MCTP1: variants seen among roughly 807,000 people sequenced by gnomAD.
MCTP1 encodes the protein multiple C2 and transmembrane domain-containing protein 1.
In MCTP1, 69 loss-of-function variants were observed where a neutral mutation model predicts 120.6. The ratio of observed to expected loss-of-function variants is 0.57; its 90% CI spans 0.47 to 0.70. The LOEUF is 0.70. Among genes scored for constraint, MCTP1 ranks in the 30% least tolerant of loss-of-function variants. The pLI is 0.00. For missense variants in MCTP1, 1,203 were observed against 1,248.8 expected (o/e 0.96, Z 0.55); for synonymous variants, 529 against 493.1 (o/e 1.07, Z -0.96).
At chr5:94,953,092 T>A (rs1821038259) in intron 3 of MCTP1, 127 bp downstream of exon 3, 1 of 778,808 alleles carries the variant, frequency 1.3e-6, no homozygotes, top group South Asian at 2.3e-5. Context: ...TATCCATAGA[T>A]TAGAGTGGCG....
At chr5:95,011,541 T>A (rs910391946) in intron 2 of MCTP1, among the ~76,000 whole-genome samples, 2 of 152,076 alleles carry the variant, frequency 1.3e-5, no homozygotes, top group South Asian at 4.2e-4. Context: ...GTTTCCTCCA[T>A]GCTGTTCTCA....
chr5:94,925,654 C>T (rs1054427814), intron 6 of MCTP1, among the ~76,000 whole-genome samples: 1 of 152,154 alleles, frequency 6.6e-6, no homozygotes, highest in African/African-American at 2.4e-5. Context: ...CGTGATCCGC[C>T]CGCCTAGGCC....
intron 1 of MCTP1, among the ~76,000 whole-genome samples, chr5:95,127,149 G>T (rs553507297): frequency 6.6e-6 from 1 of 151,924 alleles, no homozygotes; most frequent in East Asian, 1.9e-4. Context: ...ATGCCATTTG[G>T]ATGACAAATA....
At chr5:95,160,420 T>G (rs1445922952) in intron 1 of MCTP1, among the ~76,000 whole-genome samples, 1 of 152,242 alleles carries the variant, frequency 6.6e-6, no homozygotes, top group Non-Finnish European at 1.5e-5. Flanking sequence ...TAATAATAGC[T>G]AACATTAATA....
intron 1 of MCTP1, among the ~76,000 whole-genome samples, chr5:95,266,493 T>C (rs1294797160): frequency 1.3e-5 from 2 of 152,232 alleles, no homozygotes; most frequent in African/African-American, 2.4e-5. Flanking sequence ...TTTAAATCTG[T>C]TTACTGTTTG....
chr5:95,111,298 G>A (rs1284880226), intron 1 of MCTP1, among the ~76,000 whole-genome samples: 1 of 152,116 alleles, frequency 6.6e-6, no homozygotes, highest in African/African-American at 2.4e-5. Flanking sequence ...AAAACAAGTA[G>A]AAGCATAAAT....
chr5:95,116,234 T>C (rs938335987), intron 1 of MCTP1, among the ~76,000 whole-genome samples: 5 of 152,104 alleles, frequency 3.3e-5, no homozygotes, highest in South Asian at 2.1e-4. Flanking sequence ...TCATTGGTAA[T>C]AGTAAGTGCA....
intron 19 of MCTP1, among the ~76,000 whole-genome samples, chr5:94,733,633 C>T (rs12523457): frequency 0.23 from 34,932 of 151,770 alleles, 4,158 homozygotes; most frequent in East Asian, 0.35. Flanking sequence ...TAGTCACCAA[C>T]TTGGAAAAAA....
intron 19 of MCTP1, among the ~76,000 whole-genome samples, chr5:94,773,326 G>A (rs1048718078): frequency 1.3e-5 from 2 of 152,290 alleles, no homozygotes; most frequent in South Asian, 2.1e-4. Context: ...TGATTTGGGA[G>A]GCTGGTTTTC....
intron 1 of MCTP1, among the ~76,000 whole-genome samples, chr5:95,206,076 C>A (rs1371116329): frequency 1.3e-5 from 2 of 152,004 alleles, no homozygotes; most frequent in African/African-American, 4.8e-5. Flanking sequence ...CAAATGAACA[C>A]AATTGTTCAT....
intron 1 of MCTP1, among the ~76,000 whole-genome samples, chr5:95,222,300 TTTA>T (rs1317238440): frequency 1.3e-5 from 2 of 152,204 alleles, no homozygotes; most frequent in African/African-American, 4.8e-5. Flanking sequence ...AAACAAAGTC[TTTA>T]TTCCAGGAAT....
At chr5:94,846,698 C>A (rs1045653722) in intron 17 of MCTP1, among the ~76,000 whole-genome samples, 3 of 152,034 alleles carry the variant, frequency 2.0e-5, no homozygotes, top group African/African-American at 7.2e-5. Flanking sequence ...ATTTGAGTCA[C>A]CATGCCTCTG....
intron 1 of MCTP1, among the ~76,000 whole-genome samples, chr5:95,091,110 C>A (rs1340283116): frequency 6.6e-6 from 1 of 152,112 alleles, no homozygotes; most frequent in African/African-American, 2.4e-5. Flanking sequence ...CCCCCCAACC[C>A]CAAACCTACT....
intron 19 of MCTP1, among the ~76,000 whole-genome samples, chr5:94,720,235 A>G (rs1322721309): frequency 6.6e-6 from 1 of 152,030 alleles, no homozygotes; most frequent in African/African-American, 2.4e-5. Context: ...TGGAATAGGA[A>G]AGAACTTTCT....
chr5:94,789,106 T>C (rs545379203), intron 18 of MCTP1: 1 of 152,334 alleles, frequency 6.6e-6, no homozygotes, highest in South Asian at 2.1e-4. Context: ...ATTCATTTGA[T>C]AGAAAAGGAG....
intron 10 of MCTP1, among the ~76,000 whole-genome samples, chr5:94,895,872 C>T (rs570017893): frequency 5.9e-5 from 9 of 152,020 alleles, no homozygotes; most frequent in Non-Finnish European, 1.3e-4. Context: ...TGGGACTAGA[C>T]ACGAATGGGA....
intron 17 of MCTP1, among the ~76,000 whole-genome samples, chr5:94,839,431 A>T (rs1246181645): frequency 4.0e-5 from 6 of 151,786 alleles, no homozygotes; most frequent in Non-Finnish European, 7.4e-5. Flanking sequence ...ATACTAAAAA[A>T]CTCCAGGGTT....
chr5:95,051,945 C>T (rs943415161), intron 1 of MCTP1, among the ~76,000 whole-genome samples: 4 of 152,104 alleles, frequency 2.6e-5, no homozygotes, highest in East Asian at 1.9e-4. Context: ...ATGCTTATTA[C>T]TGGGGTCACA....
chr5:94,805,558 G>A (rs1436237060), intron 17 of MCTP1, among the ~76,000 whole-genome samples: 2 of 152,076 alleles, frequency 1.3e-5, no homozygotes, highest in East Asian at 1.9e-4. Flanking sequence ...AGCCCAGGAG[G>A]TTGAGGCTGT....
Sources: allele counts gnomAD v4.1 joint callset (sites outside exome capture counted in the v4.1 genomes callset), GRCh38; gene constraint gnomAD v4.1.1; transcripts MANE v1.5; gene names NCBI Gene and HGNC (gene_info 2026-07-23, HGNC 2026-07-21).